CCR6: variants seen among roughly 807,000 people sequenced by gnomAD.
CCR6 encodes the protein C-C chemokine receptor type 6.
In CCR6, 2 loss-of-function variants were observed where a neutral mutation model predicts 3.0. The ratio of observed to expected loss-of-function variants is 0.66; its 90% confidence interval spans 0.27 to 2.07. CCR6 has a LOEUF of 2.07. Ranked by LOEUF, CCR6 falls within the 30% of genes most tolerant of loss-of-function variation. The pLI, the probability that CCR6 is intolerant of heterozygous loss-of-function variation, is 0.14. For missense variants in CCR6, 322 were observed against 462.8 expected (o/e 0.70, Z 2.79); for synonymous variants, 193 against 184.3 (o/e 1.05, Z -0.38).
chr6:167,131,360 C>T lies in CCR6; in HGVS notation c.-97-4678C>T, dbSNP rs1177191337. 2.0e-5 allele frequency: 3 copies of T among 152,230 alleles called. No individual in the cohort carries two copies. The East Asian group carries it at 5.8e-4, about 29-fold the overall frequency. 9.4% of individuals were successfully genotyped at this position (152,230 alleles called of 1,614,324 possible). ...ACAAATGCTTACCTTAAATGGGGGC[C>T]CGTTGGGCATCGAGTGCACGGCGTG... On this transcript the variant is annotated intron_variant, in intron 1 of 2. Transcript: ENST00000341935.
chr6:167,135,903 T>C, intron 1 of CCR6, 135 bp from the exon 2 acceptor site: 1 of 523,296 alleles, frequency 1.9e-6, no homozygotes, highest in Non-Finnish European at 3.3e-6. Context: ...ATGCCTATTC[T>C]CAATGAATAT....
chr6:167,133,932 G>GTATATACA (rs1781808830), intron 1 of CCR6, among the ~76,000 whole-genome samples: 3 of 110,340 alleles, frequency 2.7e-5, no homozygotes, highest in African/African-American at 1.3e-4. Context: ...ATATATGTGT[G>GTATATACA]TATATATATA....
Position 167,136,078 on chromosome 6 carries a change from A to AG in CCR6, c.-53dup, listed in dbSNP as rs1274107736. 6.3e-7 allele frequency: 1 copy of AG among 1,591,158 alleles called. No homozygotes were observed. The highest frequency in any genetic ancestry group is 1.4e-5 in the African/African-American group (1 of 73,652). ...CCTGCTACCGCTGCCTGTGAGCTGAAGGGGCTGAACCATACACTCCTTTTT... is the reference window on the plus strand; with the variant it reads ...CCTGCTACCGCTGCCTGTGAGCTGAAGGGGGCTGAACCATACACTCCTTTTT... On this transcript the variant is annotated 5_prime_UTR_variant, in exon 2 of 3. Coordinates refer to ENST00000341935, the MANE Select transcript of CCR6 (RefSeq NM_031409.4). This position sits in a 1 kb window ranked among gnomAD's most constrained non-coding sequence, Gnocchi z 4.6.
At chr6:167,121,499 T>G (rs968605669), upstream of CCR6, 3 of 152,484 alleles carry the variant, frequency 2.0e-5, no homozygotes, top group Non-Finnish European at 4.4e-5. Context: ...GTGGCCTGTT[T>G]CTTCCTCCTA....
chr6:167,135,464 T>C (rs1006915336), intron 1 of CCR6, among the ~76,000 whole-genome samples: 1 of 152,240 alleles, frequency 6.6e-6, no homozygotes, highest in Non-Finnish European at 1.5e-5. Flanking sequence ...CAGTGTGTCT[T>C]GAGAACAGCA....
At chr6:167,119,978 C>T (rs905273123), upstream of CCR6, among the ~76,000 whole-genome samples, 3 of 152,114 alleles carry the variant, frequency 2.0e-5, no homozygotes, top group Admixed American at 6.5e-5. Context: ...CAACAAATGA[C>T]GCTTTTATTT....
chr6:167,114,691 G>A (rs1275199961), intron 1 of CCR6, among the ~76,000 whole-genome samples: 3 of 152,216 alleles, frequency 2.0e-5, no homozygotes, highest in African/African-American at 4.8e-5. Flanking sequence ...CCGTGCACAC[G>A]TCACCCTTTT....
At chr6:167,135,474 A>G (rs1041209955) in intron 1 of CCR6, among the ~76,000 whole-genome samples, 1 of 152,160 alleles carries the variant, frequency 6.6e-6, no homozygotes, top group East Asian at 1.9e-4. Context: ...TGAGAACAGC[A>G]CTCATAGTCA....
chr6:167,116,915 G>A (rs1350381975), intron 1 of CCR6: 3 of 152,312 alleles, frequency 2.0e-5, no homozygotes, highest in Non-Finnish European at 4.4e-5. Context: ...AATCCTGGGA[G>A]TCCAACAGGA....
At chr6:167,115,279 G>T (rs770559400) in intron 1 of CCR6, 3 of 152,274 alleles carry the variant, frequency 2.0e-5, no homozygotes, top group Non-Finnish European at 4.4e-5. Flanking sequence ...GCAGAAGGGC[G>T]AGAGAGGCTT....
rs1267057857 is a variant in CCR6 at position 167,123,202 on chromosome 6, G to A, written c.-119G>A. ...GGGGCCCGGAGTGAGGCTGAAGGGA[G>A]TGGATCAGAGCACTGCCTGAGGTGA... On this transcript the variant is annotated 5_prime_UTR_variant, in exon 1 of 3. In the 5' UTR this introduces an upstream ATG that the reference lacks. Coordinates refer to ENST00000341935, the MANE Select transcript of CCR6 (RefSeq NM_031409.4). The A allele has an allele frequency of 6.5e-6, 1 of 152,808 alleles. No homozygotes were observed. Among genetic ancestry groups the A allele is most frequent in the Non-Finnish European group, 1.5e-5 (1 of 68,052 alleles). The allele number at this position is 152,808 out of a possible 1,614,324, so 9.5% of individuals were successfully genotyped here. A position where few individuals can be genotyped will look rare whatever the true frequency, so the allele number is the denominator to read the frequency against.
upstream of CCR6, among the ~76,000 whole-genome samples, chr6:167,118,561 G>A (rs566034547): frequency 1.2e-4 from 19 of 152,184 alleles, no homozygotes; most frequent in African/African-American, 3.9e-4. Flanking sequence ...TTTCTGTCCC[G>A]ATGTAAAATT....
chr6:167,130,992 C>T (rs5014888), intron 1 of CCR6, among the ~76,000 whole-genome samples: 44,838 of 116,142 alleles, frequency 0.39, 9,457 homozygotes, highest in Admixed American at 0.44. Flanking sequence ...CCTCTGGACC[C>T]CCTCCCTTTG....
intron 1 of CCR6, chr6:167,115,863 G>A (rs1781485094): frequency 6.6e-6 from 1 of 152,024 alleles, no homozygotes; most frequent in African/African-American, 2.4e-5. Context: ...TCTCATACTT[G>A]TGTCAGTTTC....
intron 1 of CCR6, chr6:167,131,218 G>A (rs1781758276): frequency 6.6e-6 from 1 of 152,238 alleles, no homozygotes; most frequent in African/African-American, 2.4e-5. Context: ...TGAAGCTCAA[G>A]TACGCGTTGA....
upstream of CCR6, among the ~76,000 whole-genome samples, chr6:167,122,059 G>A (rs556597970): frequency 1.1e-4 from 17 of 152,132 alleles, no homozygotes; most frequent in Non-Finnish European, 1.9e-4. This position sits in a 1 kb window ranked among gnomAD's most constrained non-coding sequence, Gnocchi z 4.2. Flanking sequence ...TCACTCAGGC[G>A]TGAGGACGTG....
intron 1 of CCR6, among the ~76,000 whole-genome samples, chr6:167,113,273 A>G (rs1487839953): frequency 6.6e-6 from 1 of 152,130 alleles, no homozygotes. Context: ...CTCTTATTTT[A>G]GGCACAGTTC....
At chr6:167,116,035 A>C (rs774555359) in intron 1 of CCR6, 4 of 152,266 alleles carry the variant, frequency 2.6e-5, no homozygotes, top group Non-Finnish European at 4.4e-5. Flanking sequence ...GGCGTTATAA[A>C]GCGAATGACT....
intron 1 of CCR6, chr6:167,135,107 A>C (rs914396012): frequency 5.3e-5 from 8 of 152,336 alleles, no homozygotes; most frequent in African/African-American, 1.9e-4. Context: ...TGATTCGGCC[A>C]GGCTGGTTGC....
Sources: gnomAD v4.1 joint callset for allele counts (sites outside exome capture counted in the v4.1 genomes callset) on GRCh38, gnomAD v4.1.1 for gene constraint, Gnocchi (gnomAD v3.1) non-coding constraint, MANE v1.5 for transcripts, NCBI Gene and HGNC (gene_info 2026-07-23, HGNC 2026-07-21) for gene names.